Variants in EVC2 observed in about 807,000 individuals in gnomAD.
The protein encoded by EVC2 is limbin.
EVC2 carries 148 observed loss-of-function variants against 149.3 expected under a neutral mutation model. The observed-to-expected ratio is 0.99, with a 90% CI of 0.87 to 1.14. The LOEUF (loss-of-function observed/expected upper bound fraction) is 1.14. EVC2 is among the 50% of genes most tolerant of loss of function. The pLI is 0.00. For missense variants in EVC2, 1,854 were observed against 1,627.3 expected (o/e 1.14, Z -2.40); for synonymous variants, 776 against 649.9 (o/e 1.19, Z -2.95).
At chr4:5,584,528 C>T (rs769133614) in intron 17 of EVC2, 95 bp downstream of exon 17, 52 of 1,253,290 alleles carry the variant, frequency 4.1e-5, no homozygotes, top group Admixed American at 1.4e-4. Context: ...ACAGACAGGA[C>T]GGGGGTTGCA....
chr4:5,597,249 G>T (rs538039857), intron 16 of EVC2, among the ~76,000 whole-genome samples: 193 of 152,212 alleles, frequency 1.3e-3, no homozygotes, highest in Non-Finnish European at 2.2e-3. Context: ...CCAAAGCCGG[G>T]CAGAGACACA....
intron 16 of EVC2, among the ~76,000 whole-genome samples, chr4:5,600,116 A>G (rs935954639): frequency 6.6e-6 from 1 of 152,128 alleles, no homozygotes; most frequent in African/African-American, 2.4e-5. Context: ...AGGTTGATCT[A>G]TTATCTCTTA....
At position 5,694,424 on chromosome 4, in the gene EVC2, C is replaced by G. The variant is rs748417016; in HGVS notation, c.361G>C (p.Gly121Arg). ...IPLSTSAASS[G>R]PWAHSLFAFI... ...GCAAATAAGGAATGAGCCCATGGCCCACTAGAGGCTGCAGAAGTTGAGAGT... is the reference window on the plus strand; with the variant it reads ...GCAAATAAGGAATGAGCCCATGGCCGACTAGAGGCTGCAGAAGTTGAGAGT... The change falls in exon 3 of 22, where the codon GGG (glycine) becomes CGG (arginine). Residue 121 changes from glycine to arginine, a missense_variant. Physicochemically the swap from Gly to Arg is moderately radical, Grantham distance 125. Transcript: ENST00000344408. 2.7e-5 allele frequency: 43 copies of G among 1,614,050 alleles called. No individual in the cohort carries two copies. The highest frequency in any genetic ancestry group is 1.7e-6 in the Non-Finnish European group (2 of 1,180,032).
chr4:5,691,780 A>G (rs922515370), intron 3 of EVC2, among the ~76,000 whole-genome samples: 8 of 152,186 alleles, frequency 5.3e-5, no homozygotes, highest in African/African-American at 1.9e-4. Flanking sequence ...TTGATCCCTC[A>G]TCAACATAAG....
intron 16 of EVC2, among the ~76,000 whole-genome samples, chr4:5,586,511 C>T (rs1712293049): frequency 1.3e-5 from 2 of 152,118 alleles, no homozygotes; most frequent in Admixed American, 1.3e-4. Flanking sequence ...GCTGAACATG[C>T]CTCCTTATAC....
Position 5,681,260 on chromosome 4 carries a change from C to A in EVC2, c.870G>T (p.Thr290=). The A allele has an allele frequency of 6.2e-7, 1 of 1,614,232 alleles. No homozygotes were observed. Among genetic ancestry groups the A allele is most frequent in the Non-Finnish European group, 8.5e-7 (1 of 1,180,050 alleles). The change falls in exon 7 of 22, where the codon ACG becomes ACT. Residue 290 remains threonine, a splice_region_variant and synonymous_variant. Transcript: ENST00000344408. ...GCTCAGGGCATGTCATGTCTCTTAC[C>A]GTTACGTTTTCTTCTGCTGTTATGG... is the stretch of plus-strand genomic sequence containing the variant. The part of the protein sequence containing the change: ...LFSITAEENV[T]VLPHHGLHAA...
intron 20 of EVC2, among the ~76,000 whole-genome samples, 198 bp downstream of exon 20, chr4:5,568,246 G>A (rs550947691): frequency 6.7e-6 from 1 of 149,978 alleles, no homozygotes; most frequent in African/African-American, 2.5e-5. Context: ...TTTTTTTTAC[G>A]TTTTCTTTAA....
At position 5,643,035 on chromosome 4, in the gene EVC2, T is replaced by G. The variant is rs576977075; in HGVS notation, c.1146-2197A>C. On this transcript the variant is annotated intron_variant, in intron 9 of 21. Transcript: ENST00000344408. The stretch of plus-strand genomic sequence containing the variant: ...ACAGACAGACAGATGTGTGTATGTC[T>G]ATCTAACGAGTTAACTTGTCTACAT... 1.6e-3 allele frequency among the ~76,000 whole-genome samples: 250 copies of G among 152,354 alleles called. 2 individuals are homozygous for G. Among genetic ancestry groups the G allele is most frequent in the South Asian group, 0.011 (55 of 4,822 alleles).
the EVC2 span, among the ~76,000 whole-genome samples, chr4:5,537,319 A>G: frequency 6.6e-6 from 1 of 152,316 alleles, no homozygotes; most frequent in South Asian, 2.1e-4. Flanking sequence ...CAGTAGAGTG[A>G]CATCAGTACA....
intron 9 of EVC2, among the ~76,000 whole-genome samples, chr4:5,655,722 T>C (rs1200782395): frequency 9.0e-6 from 1 of 110,774 alleles, no homozygotes; most frequent in Non-Finnish European, 1.7e-5. Context: ...AAATACTTAA[T>C]CCACATGTAA....
In EVC2 at chr4:5,637,415, T is replaced by G. The variant is rs1359230379; in HGVS notation, c.1470+3099A>C. 1.3e-5 allele frequency among the ~76,000 whole-genome samples: 2 copies of G among 152,126 alleles called. No individual in the cohort carries two copies. Among genetic ancestry groups the G allele is most frequent in the Admixed American group, 1.3e-4 (2 of 15,266 alleles). ...CCTCACCTGTCAAAGTGAGATCCTC[T>G]CAGTCCCTACCTCACTGAGTTGTTG... is the stretch of plus-strand genomic sequence containing the variant. On this transcript the variant is annotated intron_variant, in intron 10 of 21. Coordinates refer to ENST00000344408, the MANE Select transcript of EVC2 (RefSeq NM_147127.5). The surrounding 1 kb of genome is among the most constrained non-coding windows in gnomAD (Gnocchi z 4.4).
intron 9 of EVC2, 136 bp downstream of exon 9, chr4:5,662,971 C>T (rs1360953948): frequency 8.7e-7 from 1 of 1,145,544 alleles, no homozygotes; most frequent in Non-Finnish European, 1.3e-6. Context: ...CAGTGCATAG[C>T]AGTTGTTGAA....
intron 17 of EVC2, 72 bp downstream of exon 17, chr4:5,584,551 G>T: frequency 6.8e-7 from 1 of 1,464,566 alleles, no homozygotes; most frequent in East Asian, 2.4e-5. Flanking sequence ...CTGTTTCATA[G>T]AGGAAGATGC....
chr4:5,598,946 T>C, intron 16 of EVC2, among the ~76,000 whole-genome samples: 1 of 152,162 alleles, frequency 6.6e-6, no homozygotes. Context: ...AAGACATTTA[T>C]GCAGCCAAAA....
chr4:5,670,748 C>T lies in EVC2; in HGVS notation c.871-5099G>A, dbSNP rs111161882. Among the ~76,000 whole-genome samples, 106 of 151,286 alleles carry T rather than the reference C, an allele frequency of 7.0e-4. 1 individual carries two copies. The highest frequency in any genetic ancestry group is 3.4e-3 in the Middle Eastern group (1 of 294). ...ATCATCTTCACCATCACCATCAACG[C>T]CATCATCAGCAGCATCGCCATCAAA... On this transcript the variant is annotated intron_variant, in intron 7 of 21. Transcript: ENST00000344408. This position sits in a 1 kb window ranked among gnomAD's most constrained non-coding sequence, Gnocchi z 5.2.
intron 3 of EVC2, among the ~76,000 whole-genome samples, chr4:5,692,552 G>A (rs1232160181): frequency 6.6e-6 from 1 of 152,142 alleles, no homozygotes; most frequent in African/African-American, 2.4e-5. Flanking sequence ...TCTCCACAGT[G>A]TAACCCTCTC....
chr4:5,653,094 C>G (rs1167153241), intron 9 of EVC2, among the ~76,000 whole-genome samples: 1 of 152,184 alleles, frequency 6.6e-6, no homozygotes, highest in African/African-American at 2.4e-5. Flanking sequence ...GTGTGTGCCT[C>G]TCTTCACATG....
intron 19 of EVC2, among the ~76,000 whole-genome samples, chr4:5,573,880 C>T (rs1015585696): frequency 1.3e-5 from 2 of 152,116 alleles, no homozygotes; most frequent in Admixed American, 6.6e-5. Flanking sequence ...TCTCAGGTTG[C>T]GAGGGAAACC....
chr4:5,663,792 G>A (rs1719069511), intron 8 of EVC2, among the ~76,000 whole-genome samples: 2 of 152,092 alleles, frequency 1.3e-5, no homozygotes, highest in South Asian at 2.1e-4. Context: ...GTGGTGGCAG[G>A]CACCTGTAAT....
Sources: allele counts gnomAD v4.1 joint callset (sites outside exome capture counted in the v4.1 genomes callset), GRCh38; gene constraint gnomAD v4.1.1; non-coding constraint Gnocchi (gnomAD v3.1); transcripts MANE v1.5; gene names NCBI Gene and HGNC (gene_info 2026-07-23, HGNC 2026-07-21).